The following GRID2 variants were observed in gnomAD, a reference collection of about 807,000 sequenced individuals.
The protein encoded by GRID2 is glutamate ionotropic receptor delta type subunit 2, also known as glutamate receptor ionotropic, delta-2.
A neutral mutation model predicts 114.8 loss-of-function variants in GRID2; 33 were observed. That is an observed-to-expected ratio of 0.29 (90% confidence interval 0.22 to 0.38). The LOEUF is 0.38. Among genes scored for constraint, GRID2 ranks in the 10% least tolerant of loss-of-function variants. GRID2 has a pLI of 1.00. For missense variants in GRID2, 1,184 were observed against 1,257.7 expected (o/e 0.94, Z 0.89); for synonymous variants, 505 against 449.9 (o/e 1.12, Z -1.55).
intron 11 of GRID2, among the ~76,000 whole-genome samples, chr4:93,472,540 A>C (rs1363409777): frequency 6.6e-6 from 1 of 152,216 alleles, no homozygotes. Flanking sequence ...TCAGGAGTTT[A>C]AAAAGTAAAC....
chr4:92,337,194 GTCTTA>G (rs567173237), intron 1 of GRID2, among the ~76,000 whole-genome samples: 50 of 151,980 alleles, frequency 3.3e-4, no homozygotes, highest in Admixed American at 1.2e-3. Flanking sequence ...CATAAACTCT[GTCTTA>G]TCTTTTCTAA....
At chr4:92,745,740 CTT>C (rs1378243723) in intron 2 of GRID2, among the ~76,000 whole-genome samples, 8 of 151,984 alleles carry the variant, frequency 5.3e-5, no homozygotes, top group African/African-American at 1.9e-4. Flanking sequence ...TGAGGTCTCA[CTT>C]TTGTTCTTTG....
chr4:93,803,717 G>A lies in GRID2; in HGVS notation c.222-2998G>A, dbSNP rs1334726918. On this transcript the variant is annotated intron_variant, in intron 1 of 1. Coordinates refer to the GRID2 transcript ENST00000637838. Reference sequence around the variant, plus strand: ...AGCCCGGGCAACAGTGTGAGACTTCGTCTCAAAAAAAAAAACAAAAAACAC... The same window carrying A: ...AGCCCGGGCAACAGTGTGAGACTTCATCTCAAAAAAAAAAACAAAAAACAC... 5.3e-5 allele frequency among the ~76,000 whole-genome samples: 8 copies of A among 150,650 alleles called. No homozygotes were observed. The East Asian group carries it at 7.8e-4, about 15-fold the overall frequency.
chr4:92,417,039 A>G (rs1731651926), intron 1 of GRID2, among the ~76,000 whole-genome samples: 1 of 152,038 alleles, frequency 6.6e-6, no homozygotes, highest in African/African-American at 2.4e-5. Context: ...CATGAGCATG[A>G]GATGTTTTCA....
At chr4:92,928,074 G>T (rs901359969) in intron 2 of GRID2, among the ~76,000 whole-genome samples, 2 of 151,532 alleles carry the variant, frequency 1.3e-5, no homozygotes, top group Non-Finnish European at 3.0e-5. Flanking sequence ...AGACCAAAAG[G>T]GCTACCAGTG....
chr4:93,289,986 A>G (rs1753567229), intron 8 of GRID2, among the ~76,000 whole-genome samples: 1 of 152,220 alleles, frequency 6.6e-6, no homozygotes, highest in Admixed American at 6.5e-5. Flanking sequence ...GATAGAGTTC[A>G]GACAGTTACA....
At chr4:93,432,460 G>A (rs1441046207) in intron 10 of GRID2, among the ~76,000 whole-genome samples, 1 of 152,150 alleles carries the variant, frequency 6.6e-6, no homozygotes, top group Non-Finnish European at 1.5e-5. Context: ...TGAAGTATGA[G>A]TGAAGAAATG....
At chr4:93,579,147 T>C (rs1736724925) in intron 13 of GRID2, among the ~76,000 whole-genome samples, 1 of 152,134 alleles carries the variant, frequency 6.6e-6, no homozygotes, top group African/African-American at 2.4e-5. Context: ...TGTTGCAAAA[T>C]TTAGGAAATC....
intron 1 of GRID2, among the ~76,000 whole-genome samples, chr4:92,541,568 C>T (rs995130411): frequency 6.6e-6 from 1 of 151,836 alleles, no homozygotes. Flanking sequence ...AAAGCCAGTA[C>T]TATTTATCAA....
intron 2 of GRID2, among the ~76,000 whole-genome samples, chr4:92,741,311 A>C (rs1241045626): frequency 6.6e-6 from 1 of 152,154 alleles, no homozygotes; most frequent in Non-Finnish European, 1.5e-5. Context: ...GCACCATATA[A>C]GATTCAGATA....
intron 2 of GRID2, among the ~76,000 whole-genome samples, chr4:92,761,175 T>A (rs543207335): frequency 6.6e-6 from 1 of 152,020 alleles, no homozygotes; most frequent in Non-Finnish European, 1.5e-5. Context: ...CTAGAACATA[T>A]CCATGCTTAA....
At chr4:93,502,925 G>A (rs1240195313) in intron 12 of GRID2, among the ~76,000 whole-genome samples, 1 of 152,026 alleles carries the variant, frequency 6.6e-6, no homozygotes, top group Non-Finnish European at 1.5e-5. Flanking sequence ...TGAGAGGGAT[G>A]CTACAGAGTT....
chr4:93,369,993 C>A lies in GRID2; in HGVS notation c.1246-25614C>A, dbSNP rs531179754. On this transcript the variant is annotated intron_variant, in intron 8 of 15. Coordinates refer to ENST00000282020, the MANE Select transcript of GRID2 (RefSeq NM_001510.4). ...TCCCAGTGCACATTGTCCTCAAGAT[C>A]TCCCCAGTTTGGCACTGAAGCCTTA... Among the ~76,000 whole-genome samples, 14 of 152,218 alleles carry A rather than the reference C, an allele frequency of 9.2e-5. No individual in the cohort carries two copies. In the South Asian group the frequency reaches 2.9e-3, roughly 32 times the overall value.
intron 13 of GRID2, among the ~76,000 whole-genome samples, chr4:93,537,845 T>C (rs922160715): frequency 1.3e-5 from 2 of 151,768 alleles, no homozygotes; most frequent in Non-Finnish European, 3.0e-5. Context: ...CTTTACTTCA[T>C]ATCAGAATAT....
intron 1 of GRID2, among the ~76,000 whole-genome samples, chr4:92,407,105 C>T (rs1326064429): frequency 6.6e-6 from 1 of 151,872 alleles, no homozygotes; most frequent in East Asian, 1.9e-4. Context: ...GAGTGCGTGT[C>T]AGATACTGCC....
At chr4:93,319,959 T>C (rs1473954107) in intron 8 of GRID2, among the ~76,000 whole-genome samples, 1 of 152,076 alleles carries the variant, frequency 6.6e-6, no homozygotes, top group African/African-American at 2.4e-5. Context: ...TTTTGACCTA[T>C]AGAACTGTGA....
intron 7 of GRID2, among the ~76,000 whole-genome samples, chr4:93,227,472 C>T (rs1308836864): frequency 6.6e-6 from 1 of 152,128 alleles, no homozygotes; most frequent in Non-Finnish European, 1.5e-5. Context: ...CATGATCTGC[C>T]TGCCTCAGCC....
intron 2 of GRID2, among the ~76,000 whole-genome samples, chr4:92,776,776 A>G (rs182373549): frequency 2.1e-4 from 32 of 152,252 alleles, no homozygotes; most frequent in Non-Finnish European, 2.8e-4. Flanking sequence ...TATATTAACT[A>G]AAAGAAGTTA....
chr4:93,562,255 AT>A (rs1735000764), intron 13 of GRID2, among the ~76,000 whole-genome samples: 1 of 151,546 alleles, frequency 6.6e-6, no homozygotes, highest in Non-Finnish European at 1.5e-5. Flanking sequence ...TATTGTTTTA[AT>A]TTGCATTTCC....
Sources: allele counts gnomAD v4.1 joint callset (sites outside exome capture counted in the v4.1 genomes callset), GRCh38; gene constraint gnomAD v4.1.1; transcripts MANE v1.5; gene names NCBI Gene and HGNC (gene_info 2026-07-23, HGNC 2026-07-21).